DACH2: variants seen among roughly 807,000 people sequenced by gnomAD.
DACH2 encodes the protein dachshund family transcription factor 2.
A neutral mutation model predicts 35.8 loss-of-function variants in DACH2; 17 were observed. That is an observed-to-expected ratio of 0.48 (90% CI 0.33 to 0.71). DACH2 has a LOEUF of 0.71. Among genes scored for constraint, DACH2 ranks in the 30% least tolerant of loss-of-function variants. The pLI, the probability that DACH2 is intolerant of heterozygous loss-of-function variation, is 0.02. For synonymous variants in DACH2, 195 were observed against 177.3 expected (o/e 1.10, Z -0.79); for missense variants, 469 against 472.7 (o/e 0.99, Z 0.07).
intron 1 of DACH2, among the ~76,000 whole-genome samples, chrX:86,337,073 T>A (rs1378483208): frequency 9.1e-6 from 1 of 110,224 alleles, no homozygotes; most frequent in Non-Finnish European, 1.9e-5. Context: ...AATATGGGAA[T>A]ATGTGAAAAG....
At chrX:86,263,455 C>A (rs1388992173) in intron 1 of DACH2, among the ~76,000 whole-genome samples, 5 of 111,543 alleles carry the variant, frequency 4.5e-5, no homozygotes, top group Admixed American at 9.6e-5. Context: ...AGTAGATTAA[C>A]AACATGGGTG....
intron 1 of DACH2, among the ~76,000 whole-genome samples, chrX:86,225,829 T>G (rs981190657): frequency 2.7e-5 from 3 of 111,711 alleles, no homozygotes; most frequent in African/African-American, 9.7e-5. Flanking sequence ...ACTCTGTCTC[T>G]TTTTGTTATT....
intron 3 of DACH2, among the ~76,000 whole-genome samples, chrX:86,538,233 C>T (rs1232129339): frequency 9.0e-6 from 1 of 111,560 alleles, no homozygotes; most frequent in Admixed American, 9.6e-5. Flanking sequence ...ATACTTCTCT[C>T]AGCATCCTGA....
intron 1 of DACH2, among the ~76,000 whole-genome samples, chrX:86,269,429 A>G (rs778542234): frequency 5.4e-5 from 6 of 111,962 alleles, no homozygotes; most frequent in African/African-American, 1.9e-4. Flanking sequence ...TACTCTATAA[A>G]TGTTGCTGAA....
intron 1 of DACH2, among the ~76,000 whole-genome samples, chrX:86,188,117 A>G (rs1445115749): frequency 8.9e-6 from 1 of 111,967 alleles, no homozygotes; most frequent in Non-Finnish European, 1.9e-5. Flanking sequence ...TATCTGTACA[A>G]TTGATGAAAG....
intron 7 of DACH2, among the ~76,000 whole-genome samples, chrX:86,807,457 A>G (rs763342861): frequency 7.2e-5 from 8 of 111,813 alleles, no homozygotes; most frequent in African/African-American, 1.3e-4. Flanking sequence ...GGTTCTACAA[A>G]TCATAGAGCA....
intron 1 of DACH2, among the ~76,000 whole-genome samples, chrX:86,240,869 C>A (rs1289491718): frequency 9.0e-6 from 1 of 111,092 alleles, no homozygotes; most frequent in African/African-American, 3.3e-5. Context: ...CTGTCTCTCT[C>A]CTGCTATGCC....
rs181893718 is a variant in DACH2, at chrX:86,321,286, C to G, written c.489-55538C>G. On this transcript the variant is annotated intron_variant, in intron 1 of 11. Coordinates refer to ENST00000373125, the MANE Select transcript of DACH2 (RefSeq NM_053281.3). ...AGTTTCAACTTGAGAGTGAGAAAAA[C>G]TAGAAAGAATTTTAAAAAGGGCCTG... Among the ~76,000 whole-genome samples, 4 of 111,681 alleles carry G rather than the reference C, an allele frequency of 3.6e-5. No individual in the cohort carries two copies. The Admixed American group carries it at 3.8e-4, about 11-fold the overall frequency.
intron 3 of DACH2, among the ~76,000 whole-genome samples, chrX:86,569,126 C>T (rs1319273316): frequency 3.6e-5 from 4 of 111,394 alleles, no homozygotes; most frequent in African/African-American, 1.3e-4. Context: ...TCCTTCAGGG[C>T]TTTGATATCA....
intron 1 of DACH2, among the ~76,000 whole-genome samples, chrX:86,253,241 G>T (rs897712827): frequency 4.5e-5 from 5 of 110,941 alleles, no homozygotes; most frequent in African/African-American, 1.6e-4. Flanking sequence ...CCCTCTACAA[G>T]GAAAACTACA....
chrX:86,349,161 G>A (rs762425628), intron 1 of DACH2, among the ~76,000 whole-genome samples: 1 of 111,855 alleles, frequency 8.9e-6, no homozygotes, highest in African/African-American at 3.2e-5. Flanking sequence ...TTATTGAGTG[G>A]TAGTTCTCTG....
intron 3 of DACH2, among the ~76,000 whole-genome samples, chrX:86,564,500 A>C (rs910468443): frequency 9.0e-6 from 1 of 111,555 alleles, no homozygotes; most frequent in African/African-American, 3.2e-5. Context: ...GGAGTTAATT[A>C]ACAGCTTATT....
intron 2 of DACH2, among the ~76,000 whole-genome samples, chrX:86,423,953 G>T (rs1158914131): frequency 9.0e-6 from 1 of 110,836 alleles, no homozygotes; most frequent in African/African-American, 3.3e-5. Flanking sequence ...CTTTACCCCA[G>T]TGTATACTGT....
intron 1 of DACH2, among the ~76,000 whole-genome samples, chrX:86,372,497 A>G (rs928205099): frequency 8.1e-5 from 9 of 110,783 alleles, no homozygotes; most frequent in African/African-American, 2.9e-4. Flanking sequence ...TAAGAGGGCC[A>G]GGTATAAGGT....
At chrX:86,238,763 A>G (rs2033106657) in intron 1 of DACH2, among the ~76,000 whole-genome samples, 1 of 111,384 alleles carries the variant, frequency 9.0e-6, no homozygotes, top group African/African-American at 3.3e-5. Flanking sequence ...AATTAATACA[A>G]ATAAAAGCTT....
At chrX:86,436,902 G>A (rs2037076848) in intron 2 of DACH2, among the ~76,000 whole-genome samples, 1 of 111,345 alleles carries the variant, frequency 9.0e-6, no homozygotes, top group Admixed American at 9.6e-5. Context: ...TTTCATGTAA[G>A]TTATCAAATT....
chrX:86,578,721 T>C (rs1245705331), intron 3 of DACH2, among the ~76,000 whole-genome samples: 3 of 111,845 alleles, frequency 2.7e-5, no homozygotes, highest in Non-Finnish European at 5.6e-5. Flanking sequence ...ATGAAGTTGC[T>C]GTAAAAATTA....
intron 1 of DACH2, among the ~76,000 whole-genome samples, chrX:86,321,584 G>A (rs1196837248): frequency 5.4e-5 from 6 of 111,825 alleles, no homozygotes; most frequent in Non-Finnish European, 9.4e-5. Flanking sequence ...GGATTGTCAA[G>A]AAGTATAGCC....
At chrX:86,160,605 C>A in intron 1 of DACH2, 1 of 497,150 alleles carries the variant, frequency 2.0e-6, no homozygotes, top group South Asian at 2.8e-5. Flanking sequence ...GCAGTGATGC[C>A]GGCTGCTTTC....
Sources: gnomAD v4.1 joint callset for allele counts (sites outside exome capture counted in the v4.1 genomes callset) on GRCh38, gnomAD v4.1.1 for gene constraint, MANE v1.5 for transcripts, NCBI Gene and HGNC (gene_info 2026-07-23, HGNC 2026-07-21) for gene names.